The following RMND5A variants were observed in gnomAD, a reference collection of about 807,000 sequenced individuals.
The protein encoded by RMND5A is E3 ubiquitin-protein transferase RMND5A.
In RMND5A, 17 loss-of-function variants were observed where a neutral mutation model predicts 49.7. The ratio of observed to expected loss-of-function variants is 0.34; its 90% CI spans 0.23 to 0.51. The LOEUF is 0.51. RMND5A is among the 20% of genes least tolerant of loss of function. RMND5A has a pLI of 0.96. For synonymous variants in RMND5A, 156 were observed against 167.7 expected, an observed-to-expected ratio of 0.93 and a Z score of 0.54; for missense variants, 255 against 471.3, an observed-to-expected ratio of 0.54 and a Z score of 4.25.
intron 2 of RMND5A, among the ~76,000 whole-genome samples, chr2:86,744,784 G>C (rs986382801): frequency 2.6e-5 from 4 of 152,066 alleles, no homozygotes; most frequent in African/African-American, 9.7e-5. Context: ...CTGGGCTCGA[G>C]TGGTCCTCCC....
At chr2:86,732,315 T>TC (rs1432047034) in intron 1 of RMND5A, among the ~76,000 whole-genome samples, 1 of 150,194 alleles carries the variant, frequency 6.7e-6, no homozygotes, top group Non-Finnish European at 1.5e-5. Context: ...TTGAACCCCC[T>TC]CCCCCCATAT....
chr2:86,762,585 C>T (rs1180313155), intron 4 of RMND5A, among the ~76,000 whole-genome samples: 3 of 151,126 alleles, frequency 2.0e-5, no homozygotes. Flanking sequence ...GCGAAGGTTG[C>T]AGTGAGCTGA....
chr2:86,769,218 T>C (rs1230243392), intron 6 of RMND5A, among the ~76,000 whole-genome samples: 2 of 152,220 alleles, frequency 1.3e-5, no homozygotes, highest in African/African-American at 4.8e-5. Flanking sequence ...AGTGCTGCAA[T>C]TACAGGAGTG....
chr2:86,742,631 G>A (rs1414180786), intron 2 of RMND5A, among the ~76,000 whole-genome samples: 1 of 151,828 alleles, frequency 6.6e-6, no homozygotes, highest in Non-Finnish European at 1.5e-5. Flanking sequence ...AGAACCCTCA[G>A]TTCCTCTAGA....
chr2:86,749,771 A>G (rs1681601595), intron 2 of RMND5A, among the ~76,000 whole-genome samples: 1 of 152,170 alleles, frequency 6.6e-6, no homozygotes, highest in Non-Finnish European at 1.5e-5. Context: ...AAGACTGACA[A>G]TATTCTTGGT....
chr2:86,763,752 G>A (rs1672544807), intron 4 of RMND5A, among the ~76,000 whole-genome samples: 1 of 151,964 alleles, frequency 6.6e-6, no homozygotes, highest in Non-Finnish European at 1.5e-5. Context: ...CAGAAGCCTG[G>A]GTGGCAGAGT....
intron 5 of RMND5A, chr2:86,765,644 A>G: frequency 1.9e-6 from 1 of 513,940 alleles, no homozygotes. Flanking sequence ...AATTTAAATT[A>G]TAAGTTCAGT....
chr2:86,744,394 T>A (rs1160068858), intron 2 of RMND5A, among the ~76,000 whole-genome samples: 1 of 152,084 alleles, frequency 6.6e-6, no homozygotes, highest in South Asian at 2.1e-4. Flanking sequence ...GCATAAGGCT[T>A]TTAAGAACCA....
intron 2 of RMND5A, among the ~76,000 whole-genome samples, chr2:86,745,039 T>TG (rs1681514818): frequency 6.6e-6 from 1 of 152,040 alleles, no homozygotes; most frequent in Non-Finnish European, 1.5e-5. Context: ...ATAATGTATT[T>TG]GGGCTGTTCT....
intron 4 of RMND5A, among the ~76,000 whole-genome samples, chr2:86,758,776 T>C (rs1681791481): frequency 6.6e-6 from 1 of 152,212 alleles, no homozygotes; most frequent in African/African-American, 2.4e-5. Flanking sequence ...TTTGAAAATA[T>C]CTAAGAAATG....
At chr2:86,720,989 C>T (rs1681202041) in intron 1 of RMND5A, 180 bp downstream of exon 1, 1 of 512,792 alleles carries the variant, frequency 2.0e-6, no homozygotes, top group African/African-American at 2.1e-5. Context: ...TACCTCGAAC[C>T]TGCCGCGACC....
intron 4 of RMND5A, among the ~76,000 whole-genome samples, chr2:86,764,092 A>T (rs544875529): frequency 3.9e-5 from 6 of 152,326 alleles, no homozygotes; most frequent in Non-Finnish European, 8.8e-5. Flanking sequence ...AATTCATTAT[A>T]AATAATTTGA....
At position 86,765,956 on chromosome 2, in the gene RMND5A, C is replaced by G; in HGVS notation, c.786C>G (p.Ile262Met). 6.2e-7 allele frequency: 1 copy of G among 1,614,172 alleles called. No individual in the cohort carries two copies. Among genetic ancestry groups the G allele is most frequent in the Non-Finnish European group, 8.5e-7 (1 of 1,180,026 alleles). Reference protein sequence around the residue: ...HLLDANQWADICDIFTRDACA... With the variant: ...HLLDANQWADMCDIFTRDACA... Reference sequence around the variant, plus strand: ...TTGATGCAAACCAGTGGGCTGATATCTGTGACATCTTTACACGGGATGCTT... The same window carrying G: ...TTGATGCAAACCAGTGGGCTGATATGTGTGACATCTTTACACGGGATGCTT... The change falls in exon 6 of 9, where the codon ATC becomes ATG. Residue 262 changes from isoleucine (I) to methionine (M), a missense_variant. Physicochemically the swap from Ile to Met is conservative, Grantham distance 10. Transcript: ENST00000283632.
intron 1 of RMND5A, among the ~76,000 whole-genome samples, chr2:86,734,486 GCT>G (rs1348858134): frequency 1.4e-5 from 2 of 141,254 alleles, no homozygotes; most frequent in African/African-American, 5.9e-5. Context: ...ACCGAGTCTC[GCT>G]CTGTCACCGA....
At chr2:86,759,413 G>T (rs962957157) in intron 4 of RMND5A, among the ~76,000 whole-genome samples, 10 of 152,118 alleles carry the variant, frequency 6.6e-5, no homozygotes, top group Non-Finnish European at 1.3e-4. Flanking sequence ...GCCCCAAAAG[G>T]CTCTTCATCA....
chr2:86,750,125 T>G (rs1465125974), intron 2 of RMND5A, among the ~76,000 whole-genome samples: 1 of 152,180 alleles, frequency 6.6e-6, no homozygotes, highest in African/African-American at 2.4e-5. Flanking sequence ...TGCAAAACAT[T>G]TATTAGGGAG....
intron 4 of RMND5A, among the ~76,000 whole-genome samples, chr2:86,762,452 C>T (rs1466229779): frequency 6.6e-6 from 1 of 151,750 alleles, no homozygotes; most frequent in Non-Finnish European, 1.5e-5. Context: ...CAAGACCAGC[C>T]TGGCCAACAT....
intron 4 of RMND5A, among the ~76,000 whole-genome samples, chr2:86,762,920 G>A (rs1672528081): frequency 6.6e-6 from 1 of 151,474 alleles, no homozygotes; most frequent in African/African-American, 2.4e-5. Context: ...TGCACCTATG[G>A]TGCCAGCTAC....
chr2:86,768,734 A>G (rs1206832287), intron 6 of RMND5A, among the ~76,000 whole-genome samples: 3 of 152,158 alleles, frequency 2.0e-5, no homozygotes, highest in Non-Finnish European at 2.9e-5. Context: ...GAAGAGACGG[A>G]CACAGCTGAG....
Sources: allele counts gnomAD v4.1 joint callset (sites outside exome capture counted in the v4.1 genomes callset), GRCh38; gene constraint gnomAD v4.1.1; transcripts MANE v1.5; gene names NCBI Gene and HGNC (gene_info 2026-07-23, HGNC 2026-07-21).